Variants in NME7 observed in about 807,000 individuals in gnomAD.
NME7 encodes nucleoside diphosphate kinase 7.
In NME7, 41 loss-of-function variants were observed where a neutral mutation model predicts 49.1. The observed-to-expected ratio is 0.83, with a 90% confidence interval of 0.65 to 1.08. The LOEUF (loss-of-function observed/expected upper bound fraction) is 1.08, where lower values mean the gene tolerates loss of function less well. Among genes scored for constraint, NME7 ranks in the 50% least tolerant of loss-of-function variants. NME7 has a pLI of 0.00. For missense variants in NME7, 423 were observed against 463.4 expected, an observed-to-expected ratio of 0.91 and a Z score of 0.80; for synonymous variants, 139 against 150.6, an observed-to-expected ratio of 0.92 and a Z score of 0.56.
chr1:169,189,274 AG>A (rs757845161), intron 10 of NME7, among the ~76,000 whole-genome samples: 21 of 152,152 alleles, frequency 1.4e-4, no homozygotes, highest in Non-Finnish European at 2.2e-4. Flanking sequence ...TTATAGTGTT[AG>A]GTAACTACAG....
At chr1:169,136,624 C>G (rs1658441820) in intron 11 of NME7, among the ~76,000 whole-genome samples, 1 of 152,204 alleles carries the variant, frequency 6.6e-6, no homozygotes, top group African/African-American at 2.4e-5. Flanking sequence ...CTTCCTTCCC[C>G]TCCTTCTTCT....
At chr1:169,354,281 A>G (rs1280745642) in intron 1 of NME7, among the ~76,000 whole-genome samples, 1 of 152,138 alleles carries the variant, frequency 6.6e-6, no homozygotes, top group Non-Finnish European at 1.5e-5. Flanking sequence ...TAAGTGAAAT[A>G]AGCCAGGCAC....
chr1:169,362,205 C>T (rs1217120607), intron 1 of NME7, among the ~76,000 whole-genome samples: 1 of 152,076 alleles, frequency 6.6e-6, no homozygotes, highest in East Asian at 1.9e-4. Flanking sequence ...GAGACTGTGT[C>T]TCAAAAATAA....
At chr1:169,292,496 C>T (rs1397252322) in intron 6 of NME7, among the ~76,000 whole-genome samples, 2 of 151,990 alleles carry the variant, frequency 1.3e-5, no homozygotes, top group Non-Finnish European at 2.9e-5. Context: ...ATAAAAATTA[C>T]CTGGGCAAAG....
At chr1:169,252,694 G>C (rs1269128186) in intron 7 of NME7, among the ~76,000 whole-genome samples, 1 of 151,534 alleles carries the variant, frequency 6.6e-6, no homozygotes, top group East Asian at 1.9e-4. Flanking sequence ...TATGGTTTTA[G>C]GTCTAACGTT....
chr1:169,189,487 A>G (rs911570526), intron 10 of NME7, among the ~76,000 whole-genome samples: 1 of 152,164 alleles, frequency 6.6e-6, no homozygotes, highest in African/African-American at 2.4e-5. Context: ...TAAAAATATA[A>G]TCATTTTTCT....
chr1:169,324,877 TTC>T (rs1284840213), intron 1 of NME7, among the ~76,000 whole-genome samples: 1 of 152,198 alleles, frequency 6.6e-6, no homozygotes, highest in African/African-American at 2.4e-5. Context: ...AAGAATAAAT[TTC>T]TGAGGAGAGC....
chr1:169,310,975 G>A (rs1276380670), intron 3 of NME7, among the ~76,000 whole-genome samples: 1 of 152,148 alleles, frequency 6.6e-6, no homozygotes, highest in Admixed American at 6.5e-5. Context: ...TTCTGCTTTT[G>A]TGATAAAGAA....
At chr1:169,140,360 T>A (rs1394713785) in intron 11 of NME7, among the ~76,000 whole-genome samples, 1 of 152,220 alleles carries the variant, frequency 6.6e-6, no homozygotes, top group Admixed American at 6.5e-5. Flanking sequence ...TTCCTAGTGC[T>A]CTTAGGCAAA....
chr1:169,284,987 A>G (rs896257396), intron 7 of NME7: 1 of 152,176 alleles, frequency 6.6e-6, no homozygotes, highest in Non-Finnish European at 1.5e-5. Context: ...TGATGCCTAT[A>G]AACAAGAACT....
At chr1:169,333,316 T>C (rs1425581654) in intron 1 of NME7, among the ~76,000 whole-genome samples, 1 of 151,172 alleles carries the variant, frequency 6.6e-6, no homozygotes, top group Non-Finnish European at 1.5e-5. Context: ...TTGGGAAGAG[T>C]AGTGGGAGGC....
intron 6 of NME7, among the ~76,000 whole-genome samples, chr1:169,293,153 G>A (rs962146315): frequency 1.3e-5 from 2 of 151,818 alleles, no homozygotes; most frequent in African/African-American, 4.8e-5. Flanking sequence ...AAAAATAGCT[G>A]GACATGGTGG....
At chr1:169,194,921 C>T (rs1660333157) in intron 10 of NME7, among the ~76,000 whole-genome samples, 1 of 152,080 alleles carries the variant, frequency 6.6e-6, no homozygotes, top group South Asian at 2.1e-4. Context: ...TACAACTAAT[C>T]TTTTGAGGTT....
chr1:169,367,126 C>T (rs1653897278), intron 1 of NME7, among the ~76,000 whole-genome samples: 1 of 144,988 alleles, frequency 6.9e-6, no homozygotes, highest in African/African-American at 2.5e-5. Context: ...CAAGCAATCC[C>T]AGGAGAAATT....
At chr1:169,296,866 G>T (rs1052892197) in intron 6 of NME7, among the ~76,000 whole-genome samples, 3 of 152,040 alleles carry the variant, frequency 2.0e-5, no homozygotes, top group South Asian at 2.1e-4. Flanking sequence ...AAATATATTT[G>T]TATACTTCTT....
At chr1:169,251,539 T>A (rs950678839) in intron 7 of NME7, among the ~76,000 whole-genome samples, 1 of 143,336 alleles carries the variant, frequency 7.0e-6, no homozygotes, top group African/African-American at 2.5e-5. Context: ...ACCTAGATAC[T>A]CTGGTTTCTT....
chr1:169,263,009 G>T lies in NME7; in HGVS notation c.754+24294C>A, dbSNP rs900582840. On this transcript the variant is annotated intron_variant, in intron 7 of 11. Coordinates refer to ENST00000367811, the MANE Select transcript of NME7 (RefSeq NM_013330.5). ...CTGGGGCCTCCTGCAAGACCCAGGA[G>T]CAGACTAGAATTGAAGCCAGACAAC... is the stretch of plus-strand genomic sequence containing the variant. 4.5e-5 allele frequency among the ~76,000 whole-genome samples: 6 copies of T among 132,976 alleles called. 1 individual carries two copies. The highest frequency in any genetic ancestry group is 7.6e-3 in the Middle Eastern group (2 of 262). The allele number at this position is 132,976 out of a possible 152,430, so 87.2% of individuals were successfully genotyped here.
intron 6 of NME7, among the ~76,000 whole-genome samples, chr1:169,293,301 CAA>C (rs200283897): frequency 0.1 from 10,911 of 108,658 alleles, 1,339 homozygotes; most frequent in East Asian, 0.65. Context: ...CTCTTGTCTC[CAA>C]AAAAAAAAAA....
At position 169,257,493 on chromosome 1, in the gene NME7, C is replaced by T. The variant is rs1027106952; in HGVS notation, c.755-19806G>A. ...ACTCCCTAGTGAGATGAACCCAGTA[C>T]CTCAGATGTAAATGCAGAAATCACC... On this transcript the variant is annotated intron_variant, in intron 7 of 11. Coordinates refer to ENST00000367811, the MANE Select transcript of NME7 (RefSeq NM_013330.5). Among the ~76,000 whole-genome samples the T allele has an allele frequency of 9.3e-5, 12 of 128,856 alleles. 5 individuals are homozygous for T. Among genetic ancestry groups the T allele is most frequent in the Non-Finnish European group, 3.6e-5 (2 of 56,116 alleles). The allele number at this position is 128,856 out of a possible 152,430, so 84.5% of individuals were successfully genotyped here. A position where few individuals can be genotyped will look rare whatever the true frequency, so the allele number is the denominator to read the frequency against.
Sources: gnomAD v4.1 joint callset for allele counts (sites outside exome capture counted in the v4.1 genomes callset) on GRCh38, gnomAD v4.1.1 for gene constraint, MANE v1.5 for transcripts, NCBI Gene and HGNC (gene_info 2026-07-23, HGNC 2026-07-21) for gene names.